Variants in EPB41L3 observed in about 807,000 individuals in gnomAD.
EPB41L3 encodes band 4.1-like protein 3.
A neutral mutation model predicts 127.1 loss-of-function variants in EPB41L3; 57 were observed. The ratio of observed to expected loss-of-function variants is 0.45; its 90% CI spans 0.36 to 0.56. The LOEUF is 0.56. EPB41L3 is among the 20% of genes least tolerant of loss of function. EPB41L3 has a pLI of 0.00. For synonymous variants in EPB41L3, 572 were observed against 549.5 expected (o/e 1.04, Z -0.57); for missense variants, 1,273 against 1,372.2 (o/e 0.93, Z 1.14).
At chr18:5,601,053 T>A (rs969795284) in intron 3 of EPB41L3, among the ~76,000 whole-genome samples, 1 of 152,152 alleles carries the variant, frequency 6.6e-6, no homozygotes, top group African/African-American at 2.4e-5. Flanking sequence ...CACTAACAAA[T>A]GGCAAAATAT....
chr18:5,616,203 G>T (rs1020156031), intron 1 of EPB41L3, among the ~76,000 whole-genome samples: 3 of 151,968 alleles, frequency 2.0e-5, no homozygotes, highest in Non-Finnish European at 4.4e-5. Context: ...CACTCCAACT[G>T]TTCTACATCT....
intron 3 of EPB41L3, among the ~76,000 whole-genome samples, chr18:5,456,182 C>A (rs1213042742): frequency 6.6e-6 from 1 of 152,120 alleles, no homozygotes; most frequent in Non-Finnish European, 1.5e-5. Flanking sequence ...GTAGCACTGT[C>A]ACTTTTCAAT....
At chr18:5,506,903 A>T (rs1297631231) in intron 1 of EPB41L3, among the ~76,000 whole-genome samples, 1 of 152,236 alleles carries the variant, frequency 6.6e-6, no homozygotes, top group African/African-American at 2.4e-5. Context: ...ATTTCTGGGC[A>T]AAATGACACT....
intron 4 of EPB41L3, among the ~76,000 whole-genome samples, chr18:5,444,551 C>T (rs2081221978): frequency 6.6e-6 from 1 of 152,192 alleles, no homozygotes; most frequent in South Asian, 2.1e-4. Flanking sequence ...TAAGGAGATA[C>T]AGCCCTGAAC....
intron 3 of EPB41L3, among the ~76,000 whole-genome samples, chr18:5,450,403 C>A (rs1209054571): frequency 6.7e-6 from 1 of 148,834 alleles, no homozygotes; most frequent in Admixed American, 6.7e-5. Flanking sequence ...CACACTAATG[C>A]AAAATGTTAA....
chr18:5,574,231 TAC>T (rs1481859992), intron 3 of EPB41L3, among the ~76,000 whole-genome samples: 3 of 152,058 alleles, frequency 2.0e-5, no homozygotes, highest in Non-Finnish European at 2.9e-5. Flanking sequence ...AACCTTATAT[TAC>T]AGTCAGATTT....
At chr18:5,542,547 G>A (rs1351974228) in intron 1 of EPB41L3, among the ~76,000 whole-genome samples, 1 of 151,642 alleles carries the variant, frequency 6.6e-6, no homozygotes, top group East Asian at 1.9e-4. Context: ...TAAAAAAGCT[G>A]AAACAACTTA....
At chr18:5,512,255 A>G (rs115387921) in intron 1 of EPB41L3, among the ~76,000 whole-genome samples, 1 of 152,248 alleles carries the variant, frequency 6.6e-6, no homozygotes, top group African/African-American at 2.4e-5. Context: ...AAATGCCATT[A>G]AAAAGGCCTG....
Position 5,516,374 on chromosome 18 carries a change from A to G in EPB41L3, c.-11-27180T>C, listed in dbSNP as rs1250883394. 2.6e-5 allele frequency among the ~76,000 whole-genome samples: 4 copies of G among 152,342 alleles called. No homozygotes were observed. The East Asian group carries it at 7.7e-4, about 29-fold the overall frequency. ...CTATTTCCCAGTGAGAGGATTTCTT[A>G]ACCCAGAAACCAAATGGTTAAGGAG... On this transcript the variant is annotated intron_variant, in intron 1 of 22. Coordinates refer to ENST00000341928, the MANE Select transcript of EPB41L3 (RefSeq NM_012307.5).
chr18:5,422,091 C>T (rs545713265), intron 11 of EPB41L3, among the ~76,000 whole-genome samples: 91 of 152,072 alleles, frequency 6.0e-4, no homozygotes, highest in African/African-American at 1.6e-3. Context: ...CCGTCAAAGG[C>T]GGCCTTATTC....
At chr18:5,619,031 A>T (rs555494854) in intron 1 of EPB41L3, among the ~76,000 whole-genome samples, 1 of 152,230 alleles carries the variant, frequency 6.6e-6, no homozygotes, top group African/African-American at 2.4e-5. Context: ...TGAAAATACA[A>T]TTATTATGTG....
chr18:5,518,190 C>T lies in EPB41L3; in HGVS notation c.-12+25723G>A, dbSNP rs527523576. ...GACCATGGCCTTTCAAGGGTCCACA[C>T]GGCCCTGCCACCCATGGCCCCGTTT... On this transcript the variant is annotated intron_variant, in intron 1 of 22. Coordinates refer to ENST00000341928, the MANE Select transcript of EPB41L3 (RefSeq NM_012307.5). Among the ~76,000 whole-genome samples, 7 of 152,260 alleles carry T rather than the reference C, an allele frequency of 4.6e-5. No individual in the cohort carries two copies. The South Asian group carries it at 8.3e-4, about 18-fold the overall frequency.
intron 3 of EPB41L3, among the ~76,000 whole-genome samples, chr18:5,574,226 T>C (rs550510352): frequency 6.6e-6 from 1 of 152,104 alleles, no homozygotes; most frequent in Admixed American, 6.5e-5. Flanking sequence ...ATATGAACCT[T>C]ATATTACAGT....
At chr18:5,608,873 C>G (rs192959321) in intron 3 of EPB41L3, among the ~76,000 whole-genome samples, 4 of 152,188 alleles carry the variant, frequency 2.6e-5, no homozygotes, top group Non-Finnish European at 4.4e-5. Context: ...ATAATTGTGT[C>G]GAATCAACAG....
chr18:5,603,478 T>C (rs1414166880), intron 3 of EPB41L3, among the ~76,000 whole-genome samples: 1 of 152,030 alleles, frequency 6.6e-6, no homozygotes, highest in East Asian at 1.9e-4. Context: ...ACTTTTAGAG[T>C]CTGGGAGTGG....
intron 3 of EPB41L3, among the ~76,000 whole-genome samples, chr18:5,574,371 C>A (rs940539895): frequency 7.5e-6 from 1 of 132,990 alleles, no homozygotes; most frequent in Non-Finnish European, 1.6e-5. Flanking sequence ...CTGAGCCTGG[C>A]TAGAATCAGT....
intron 2 of EPB41L3, among the ~76,000 whole-genome samples, chr18:5,481,511 T>A (rs1488158599): frequency 6.6e-6 from 1 of 152,208 alleles, no homozygotes; most frequent in East Asian, 1.9e-4. Context: ...CTTTCCCACC[T>A]TCCTGGGATT....
At chr18:5,608,563 A>G (rs944231580) in intron 3 of EPB41L3, among the ~76,000 whole-genome samples, 1 of 152,174 alleles carries the variant, frequency 6.6e-6, no homozygotes, top group African/African-American at 2.4e-5. Context: ...TCTCACAAAT[A>G]AAGTGTTATC....
chr18:5,566,723 C>CATACTATTCT (rs1421571560), intron 3 of EPB41L3, among the ~76,000 whole-genome samples: 18 of 112,414 alleles, frequency 1.6e-4, no homozygotes, highest in Admixed American at 2.7e-4. Flanking sequence ...TTTTCTATTC[C>CATACTATTCT]ATTCTATTCT....
Sources: gnomAD v4.1 joint callset for allele counts (sites outside exome capture counted in the v4.1 genomes callset) on GRCh38, gnomAD v4.1.1 for gene constraint, MANE v1.5 for transcripts, NCBI Gene and HGNC (gene_info 2026-07-23, HGNC 2026-07-21) for gene names.